The following NDFIP2 variants were observed in gnomAD, a reference collection of about 807,000 sequenced individuals.
NDFIP2 encodes Nedd4 family interacting protein 2.
NDFIP2 carries 19 observed loss-of-function variants against 36.0 expected under a neutral mutation model. That is an observed-to-expected ratio of 0.53 (90% CI 0.37 to 0.77). The LOEUF is 0.77. Ranked by LOEUF, NDFIP2 falls within the 30% of genes least tolerant of loss-of-function variation. The pLI, the probability that NDFIP2 is intolerant of heterozygous loss-of-function variation, is 0.00. For synonymous variants in NDFIP2, 181 were observed against 167.7 expected, an observed-to-expected ratio of 1.08 and a Z score of -0.61; for missense variants, 446 against 435.8, an observed-to-expected ratio of 1.02 and a Z score of -0.21.
intron 1 of NDFIP2, among the ~76,000 whole-genome samples, chr13:79,485,550 C>A (rs1872947189): frequency 6.6e-6 from 1 of 152,128 alleles, no homozygotes; most frequent in Non-Finnish European, 1.5e-5. Flanking sequence ...CTTTTCTTGC[C>A]AGCCTTATTC....
intron 2 of NDFIP2, among the ~76,000 whole-genome samples, chr13:79,525,141 T>G (rs910677266): frequency 6.6e-6 from 1 of 152,226 alleles, no homozygotes; most frequent in Non-Finnish European, 1.5e-5. Flanking sequence ...AGTAAATGGC[T>G]CAGTGTCTCT....
At chr13:79,546,653 T>G (rs755686163) in intron 5 of NDFIP2, among the ~76,000 whole-genome samples, 1 of 152,158 alleles carries the variant, frequency 6.6e-6, no homozygotes, top group Non-Finnish European at 1.5e-5. Flanking sequence ...ACATAGCAAA[T>G]CCTTCTCTTT....
chr13:79,514,354 A>G (rs186247863), intron 1 of NDFIP2, among the ~76,000 whole-genome samples: 6 of 152,182 alleles, frequency 3.9e-5, no homozygotes, highest in Non-Finnish European at 1.5e-5. Flanking sequence ...GAAGCAGAGT[A>G]CTTTGGGGGA....
In NDFIP2 at chr13:79,520,911, A is replaced by T; in HGVS notation, c.423A>T (p.Ala141=). 1 of 1,613,872 alleles carries T rather than the reference A, an allele frequency of 6.2e-7. No homozygotes were observed. The highest frequency in any genetic ancestry group is 8.5e-7 in the Non-Finnish European group (1 of 1,179,850). Residue 141 remains alanine (A), a synonymous_variant, in exon 2 of 8, where the codon GCA becomes GCT. Transcript: ENST00000218652. ...QIVQAASSAP[A]LETDSSPPPY... ...TGCAGGCTGCGTCTTCAGCACCAGC[A>T]CTTGAAACTGACTCTTCCCCTCCAC...
chr13:79,490,384 T>C (rs1388962202), intron 1 of NDFIP2, among the ~76,000 whole-genome samples: 2 of 152,200 alleles, frequency 1.3e-5, no homozygotes, highest in Non-Finnish European at 2.9e-5. Flanking sequence ...TGGTCTCATG[T>C]GACTAGAGTG....
At chr13:79,519,770 T>C (rs1428028843) in intron 1 of NDFIP2, among the ~76,000 whole-genome samples, 1 of 152,192 alleles carries the variant, frequency 6.6e-6, no homozygotes, top group Non-Finnish European at 1.5e-5. Flanking sequence ...ATCAACTTAT[T>C]TTGCTTTAGT....
chr13:79,533,703 A>C (rs1202367930), intron 3 of NDFIP2, among the ~76,000 whole-genome samples: 1 of 152,192 alleles, frequency 6.6e-6, no homozygotes, highest in African/African-American at 2.4e-5. Flanking sequence ...GAAATATCAA[A>C]AAAATTAAGA....
intron 1 of NDFIP2, among the ~76,000 whole-genome samples, chr13:79,520,133 A>G (rs1023235062): frequency 6.6e-6 from 1 of 152,012 alleles, no homozygotes; most frequent in Non-Finnish European, 1.5e-5. Flanking sequence ...ACTTGGGAAA[A>G]CCTACTTAGC....
chr13:79,517,816 G>A (rs1874411204), intron 1 of NDFIP2, among the ~76,000 whole-genome samples: 1 of 152,108 alleles, frequency 6.6e-6, no homozygotes, highest in African/African-American at 2.4e-5. Flanking sequence ...AAGTAAGTTG[G>A]TCATTCTGGG....
chr13:79,526,462 GAGT>G (rs1364635514), intron 2 of NDFIP2, among the ~76,000 whole-genome samples: 2 of 152,190 alleles, frequency 1.3e-5, no homozygotes, highest in Non-Finnish European at 2.9e-5. Flanking sequence ...GCAAGGAAGA[GAGT>G]AGAGAGGAGG....
chr13:79,533,872 G>A (rs983843991), intron 3 of NDFIP2, among the ~76,000 whole-genome samples: 1 of 152,096 alleles, frequency 6.6e-6, no homozygotes, highest in Non-Finnish European at 1.5e-5. Context: ...CATGCAGGTG[G>A]GTCGGTGTCC....
At chr13:79,536,064 T>C (rs1014431447) in intron 3 of NDFIP2, among the ~76,000 whole-genome samples, 3 of 152,222 alleles carry the variant, frequency 2.0e-5, no homozygotes, top group Non-Finnish European at 2.9e-5. Flanking sequence ...CTACTGTTTT[T>C]ACTATTTCCT....
intron 1 of NDFIP2, among the ~76,000 whole-genome samples, chr13:79,485,713 T>C (rs189692219): frequency 6.6e-5 from 10 of 152,358 alleles, no homozygotes; most frequent in Admixed American, 5.2e-4. Context: ...TTCTCTGTTA[T>C]ACTGACAGTA....
chr13:79,527,793 A>C (rs916450592), intron 2 of NDFIP2, among the ~76,000 whole-genome samples: 7 of 152,196 alleles, frequency 4.6e-5, no homozygotes, highest in Non-Finnish European at 1.0e-4. Context: ...CCTCAGGCAG[A>C]TCTTTTCAGG....
chr13:79,530,464 A>G (rs112651550), intron 2 of NDFIP2, among the ~76,000 whole-genome samples: 4,725 of 152,242 alleles, frequency 0.031, 256 homozygotes, highest in African/African-American at 0.11. Context: ...AGTTTGCTAC[A>G]TCAATTGACT....
chr13:79,493,138 A>G (rs1873308645), intron 1 of NDFIP2, among the ~76,000 whole-genome samples: 1 of 152,150 alleles, frequency 6.6e-6, no homozygotes, highest in Admixed American at 6.6e-5. Context: ...TCTTGTTTAT[A>G]ATAGTTTATG....
intron 2 of NDFIP2, among the ~76,000 whole-genome samples, chr13:79,529,345 T>C (rs926514158): frequency 1.3e-5 from 2 of 152,184 alleles, no homozygotes; most frequent in African/African-American, 4.8e-5. Flanking sequence ...ATTTTTTTTT[T>C]CTATCTTGAG....
intron 1 of NDFIP2, among the ~76,000 whole-genome samples, chr13:79,504,121 T>G (rs1271519679): frequency 6.6e-6 from 1 of 152,186 alleles, no homozygotes; most frequent in Non-Finnish European, 1.5e-5. Flanking sequence ...GGGAAAATTT[T>G]TAGATACTGA....
At chr13:79,489,775 G>C (rs1873153815) in intron 1 of NDFIP2, among the ~76,000 whole-genome samples, 1 of 152,154 alleles carries the variant, frequency 6.6e-6, no homozygotes, top group Non-Finnish European at 1.5e-5. Context: ...AAAGTTAAGG[G>C]GATGGCCTAG....
Sources: gnomAD v4.1 joint callset for allele counts (sites outside exome capture counted in the v4.1 genomes callset) on GRCh38, gnomAD v4.1.1 for gene constraint, MANE v1.5 for transcripts, NCBI Gene and HGNC (gene_info 2026-07-23, HGNC 2026-07-21) for gene names.